The following TXK variants were observed in gnomAD, a reference collection of about 807,000 sequenced individuals.
TXK encodes the protein TXK tyrosine kinase, also known as tyrosine-protein kinase TXK.
TXK carries 60 observed loss-of-function variants against 81.0 expected under a neutral mutation model. The observed-to-expected ratio is 0.74, with a 90% CI of 0.60 to 0.92. The LOEUF (loss-of-function observed/expected upper bound fraction) is 0.92, where lower values mean the gene tolerates loss of function less well. Among genes scored for constraint, TXK ranks in the 40% least tolerant of loss-of-function variants. The pLI is 0.00. For synonymous variants in TXK, 203 were observed against 210.7 expected (o/e 0.96, Z 0.32); for missense variants, 581 against 638.3 (o/e 0.91, Z 0.97).
intron 10 of TXK, among the ~76,000 whole-genome samples, chr4:48,085,151 G>T (rs945462852): frequency 2.0e-5 from 3 of 152,178 alleles, no homozygotes; most frequent in Non-Finnish European, 4.4e-5. Flanking sequence ...TGCTCAGGTT[G>T]TTAAAGTTAA....
At chr4:48,129,038 T>C (rs929847908) in intron 1 of TXK, among the ~76,000 whole-genome samples, 5 of 152,134 alleles carry the variant, frequency 3.3e-5, no homozygotes, top group African/African-American at 1.2e-4. Context: ...GTTAGACTTC[T>C]TGGTTTGGAG....
chr4:48,071,671 ACTC>A lies in TXK; in HGVS notation c.1358_1360del (p.Gly453del). 6.2e-7 allele frequency: 1 copy of A among 1,613,314 alleles called. No individual in the cohort carries two copies. The highest frequency in any genetic ancestry group is 8.5e-7 in the Non-Finnish European group (1 of 1,179,810). ...TTCTGTAAAAACTTCCCACATTAAAACTCCTGCAAACAAAAATGCAGGAAAACA... is the reference window on the plus strand; with the variant it reads ...TTCTGTAAAAACTTCCCACATTAAAACTGCAAACAAAAATGCAGGAAAACA... On this transcript the variant is annotated inframe_deletion and splice_region_variant, in exon 14 of 15. Transcript: ENST00000264316.
intron 1 of TXK, among the ~76,000 whole-genome samples, chr4:48,128,456 A>C (rs1182248646): frequency 6.7e-6 from 1 of 149,190 alleles, no homozygotes; most frequent in Non-Finnish European, 1.5e-5. Flanking sequence ...ACCAGAGCTG[A>C]TTCTGTAAGT....
At chr4:48,116,875 G>C (rs1718827893) in intron 1 of TXK, among the ~76,000 whole-genome samples, 1 of 151,984 alleles carries the variant, frequency 6.6e-6, no homozygotes, top group Non-Finnish European at 1.5e-5. Context: ...CCACCCCTCA[G>C]CATCCATTTT....
At chr4:48,118,037 C>G (rs1054144815) in intron 1 of TXK, among the ~76,000 whole-genome samples, 1 of 152,214 alleles carries the variant, frequency 6.6e-6, no homozygotes, top group Non-Finnish European at 1.5e-5. Flanking sequence ...ACATCCCTTT[C>G]CCCAAGATCT....
intron 3 of TXK, 143 bp downstream of exon 3, chr4:48,113,064 G>T: frequency 2.0e-6 from 1 of 490,402 alleles, no homozygotes; most frequent in South Asian, 4.9e-5. Flanking sequence ...CTTTCTTCTA[G>T]AACATTCCTT....
intron 9 of TXK, 118 bp downstream of exon 9, chr4:48,089,632 T>A: frequency 1.3e-6 from 1 of 762,350 alleles, no homozygotes; most frequent in Non-Finnish European, 2.3e-6. Flanking sequence ...CCTAAGGTGA[T>A]CCACCCACCT....
Position 48,113,245 on chromosome 4 carries a change from G to C in TXK, c.136C>G (p.Arg46Gly). 6.2e-7 allele frequency: 1 copy of C among 1,613,486 alleles called. No homozygotes were observed. The highest frequency in any genetic ancestry group is 8.5e-7 in the Non-Finnish European group (1 of 1,179,654). Residue 46 changes from arginine (R) to glycine (G), a missense_variant, in exon 3 of 15, where the codon CGC becomes GGC. Arg to Gly is a moderately radical substitution (Grantham distance 125). Transcript: ENST00000264316. The part of the protein sequence containing the change: ...EELPEKYTQR[R>G]RPWLSQLSNK... Reference sequence around the variant, plus strand: ...GACAATTGGCTGAGCCACGGCCTGCGACGCTGGGTGTATTTTTCTGGAAGC... The same window carrying C: ...GACAATTGGCTGAGCCACGGCCTGCCACGCTGGGTGTATTTTTCTGGAAGC...
chr4:48,091,108 T>A (rs1444518746), intron 8 of TXK, among the ~76,000 whole-genome samples: 2 of 152,190 alleles, frequency 1.3e-5, no homozygotes, highest in African/African-American at 4.8e-5. Context: ...GCCATTCTAA[T>A]GTGAAAGGAA....
intron 13 of TXK, among the ~76,000 whole-genome samples, chr4:48,073,002 A>G (rs1179685580): frequency 1.3e-5 from 2 of 151,986 alleles, no homozygotes; most frequent in Admixed American, 1.3e-4. Context: ...CTAGCTTACT[A>G]TAACCTCAAA....
chr4:48,119,465 T>C (rs1001945163), intron 1 of TXK, among the ~76,000 whole-genome samples: 4 of 152,148 alleles, frequency 2.6e-5, no homozygotes, highest in African/African-American at 9.7e-5. Flanking sequence ...ACAGTTCAAG[T>C]CCAAGCCCAG....
intron 1 of TXK, among the ~76,000 whole-genome samples, chr4:48,129,220 A>G (rs1173581781): frequency 6.6e-6 from 1 of 152,214 alleles, no homozygotes; most frequent in African/African-American, 2.4e-5. Context: ...ACGTGTGTGC[A>G]CTTTTCCTTT....
At chr4:48,088,339 T>C (rs1717620205) in intron 9 of TXK, among the ~76,000 whole-genome samples, 1 of 152,184 alleles carries the variant, frequency 6.6e-6, no homozygotes, top group Non-Finnish European at 1.5e-5. Flanking sequence ...GGAATGTAAA[T>C]GTGCACTTAA....
At chr4:48,101,197 A>G (rs1718180332) in intron 6 of TXK, among the ~76,000 whole-genome samples, 1 of 152,176 alleles carries the variant, frequency 6.6e-6, no homozygotes. Flanking sequence ...TGTTTGTGCA[A>G]TAAATTTGAA....
chr4:48,119,953 G>A (rs1427480543), intron 1 of TXK, among the ~76,000 whole-genome samples: 1 of 152,080 alleles, frequency 6.6e-6, no homozygotes, highest in East Asian at 1.9e-4. Context: ...AGAATAGAGT[G>A]TAGACTGTGG....
chr4:48,104,261 A>T (rs9992367), intron 6 of TXK, among the ~76,000 whole-genome samples: 3 of 15,520 alleles, frequency 1.9e-4, no homozygotes, highest in African/African-American at 3.6e-4. Flanking sequence ...TTATATATAT[A>T]ATATATAATA....
chr4:48,084,598 G>C (rs551384930), intron 10 of TXK, among the ~76,000 whole-genome samples: 1 of 152,196 alleles, frequency 6.6e-6, no homozygotes, highest in Admixed American at 6.5e-5. Flanking sequence ...GAAAAACCAC[G>C]GTAGGATGCA....
chr4:48,129,175 T>C (rs771563549), intron 1 of TXK, among the ~76,000 whole-genome samples: 5 of 152,172 alleles, frequency 3.3e-5, no homozygotes, highest in Admixed American at 6.5e-5. Context: ...CCTTTATACA[T>C]TTGGGGTCTG....
intron 8 of TXK, among the ~76,000 whole-genome samples, chr4:48,091,958 T>C (rs1394190116): frequency 2.0e-5 from 3 of 152,224 alleles, no homozygotes; most frequent in African/African-American, 7.2e-5. Flanking sequence ...GGCAGGGATC[T>C]ATAGGAGACA....
Sources: gnomAD v4.1 joint callset for allele counts (sites outside exome capture counted in the v4.1 genomes callset) on GRCh38, gnomAD v4.1.1 for gene constraint, MANE v1.5 for transcripts, NCBI Gene and HGNC (gene_info 2026-07-23, HGNC 2026-07-21) for gene names.